SHQ1: variants seen among roughly 807,000 people sequenced by gnomAD.
SHQ1 encodes the protein SHQ1, H/ACA ribonucleoprotein assembly factor.
SHQ1 carries 49 observed loss-of-function variants against 53.8 expected under a neutral mutation model. The observed-to-expected ratio is 0.91, with a 90% CI of 0.72 to 1.16. The LOEUF (loss-of-function observed/expected upper bound fraction) is 1.16. Ranked by LOEUF, SHQ1 falls within the 50% of genes most tolerant of loss-of-function variation. The probability of loss-of-function intolerance (pLI) is 0.00; values close to 1 mark genes in which losing one functional copy is unlikely to be tolerated. For missense variants in SHQ1, 738 were observed against 683.1 expected (o/e 1.08, Z -0.90); for synonymous variants, 243 against 251.0 (o/e 0.97, Z 0.30).
In SHQ1 at chr3:72,750,699, TG is replaced by T. The variant is rs1705348107; in HGVS notation, c.1318del (p.His440IlefsTer99). On this transcript the variant is annotated frameshift_variant, in exon 11 of 11. Transcript: ENST00000325599. LOFTEE classifies it low-confidence loss of function (END_TRUNC). ...QEEETALKAA[H>X]SVSGQQTLCS... ...AAGTGTCTGCTGCCCAGAAACTGAATGGGCTGCTTTTAATGCAGTTTCTTCC... is the reference window on the plus strand; with the variant it reads ...AAGTGTCTGCTGCCCAGAAACTGAATGGCTGCTTTTAATGCAGTTTCTTCC... 2 of 1,590,336 alleles carry T rather than the reference TG, an allele frequency of 1.3e-6. No individual in the cohort carries two copies.
At chr3:72,725,871 GA>G in the SHQ1 span, among the ~76,000 whole-genome samples, 2 of 152,058 alleles carry the variant, frequency 1.3e-5, no homozygotes, top group African/African-American at 2.4e-5. Context: ...ATGGGCAGAA[GA>G]AAAAAATAAG....
chr3:72,741,543 G>A, the SHQ1 span, among the ~76,000 whole-genome samples: 1 of 151,674 alleles, frequency 6.6e-6, no homozygotes, highest in Non-Finnish European at 1.5e-5. Context: ...CTGAGATCGT[G>A]CCACTGCATT....
chr3:72,727,968 C>T, the SHQ1 span, among the ~76,000 whole-genome samples: 1 of 152,140 alleles, frequency 6.6e-6, no homozygotes, highest in African/African-American at 2.4e-5. Flanking sequence ...GAAGAGCAAG[C>T]CGTGGAGTCC....
intron 10 of SHQ1, among the ~76,000 whole-genome samples, chr3:72,756,106 C>G (rs893434611): frequency 2.0e-5 from 3 of 151,972 alleles, no homozygotes; most frequent in African/African-American, 7.3e-5. Flanking sequence ...CCTATGTTGC[C>G]CAGGCTGGTC....
rs534082754 is a variant in SHQ1, at chr3:72,774,214, G to A, written c.1181+18702C>T. Among the ~76,000 whole-genome samples the A allele has an allele frequency of 3.3e-5, 5 of 152,274 alleles. No individual in the cohort carries two copies. The South Asian group carries it at 1.0e-3, about 32-fold the overall frequency. On this transcript the variant is annotated intron_variant, in intron 10 of 10. Transcript: ENST00000325599. ...GTAAAAACTGACAGGTCTACAGGAA[G>A]AAACTGACAAGACTGACAACATAGG... is the stretch of plus-strand genomic sequence containing the variant.
chr3:72,804,733 GT>G (rs1343102797), intron 9 of SHQ1, among the ~76,000 whole-genome samples: 2 of 152,142 alleles, frequency 1.3e-5, no homozygotes, highest in African/African-American at 4.8e-5. Flanking sequence ...GCTCACACCT[GT>G]CAACCAGCAC....
At chr3:72,787,223 GTTAA>G (rs1706259794) in intron 10 of SHQ1, among the ~76,000 whole-genome samples, 1 of 152,264 alleles carries the variant, frequency 6.6e-6, no homozygotes, top group East Asian at 1.9e-4. Context: ...CACTATTAGA[GTTAA>G]TTAACCATTA....
chr3:72,760,320 C>T (rs112728628), intron 10 of SHQ1, among the ~76,000 whole-genome samples: 3,028 of 152,304 alleles, frequency 0.02, 55 homozygotes, highest in Non-Finnish European at 0.033. Flanking sequence ...TATTAAGAGG[C>T]TTGCTCATTA....
At chr3:72,799,977 A>G (rs1023556275) in intron 9 of SHQ1, among the ~76,000 whole-genome samples, 1 of 152,110 alleles carries the variant, frequency 6.6e-6, no homozygotes, top group Non-Finnish European at 1.5e-5. Flanking sequence ...ATACCCCTCT[A>G]TTACAGTAGT....
At chr3:72,754,037 G>A (rs577832135) in intron 10 of SHQ1, among the ~76,000 whole-genome samples, 1 of 152,164 alleles carries the variant, frequency 6.6e-6, no homozygotes, top group African/African-American at 2.4e-5. Flanking sequence ...TCTAATACTA[G>A]AAATAAAAAA....
At position 72,773,062 on chromosome 3, in the gene SHQ1, T is replaced by A. The variant is rs1297277599; in HGVS notation, c.1181+19854A>T. The stretch of plus-strand genomic sequence containing the variant: ...CAAAGAAGAAATGACTGAGTCCATG[T>A]TCTCTAAGTACTCGGAAATGAGTGA... On this transcript the variant is annotated intron_variant, in intron 10 of 10. Coordinates refer to ENST00000325599, the MANE Select transcript of SHQ1 (RefSeq NM_018130.3). The A allele has an allele frequency of 8.1e-6, 7 of 864,236 alleles. No individual in the cohort carries two copies. In the East Asian group the frequency reaches 1.5e-4, roughly 18 times the overall value. The allele number at this position is 864,236 out of a possible 1,614,324, so 53.5% of individuals were successfully genotyped here. A position where few individuals can be genotyped will look rare whatever the true frequency, so the allele number is the denominator to read the frequency against.
chr3:72,771,655 G>A (rs1398900070), intron 10 of SHQ1, among the ~76,000 whole-genome samples: 2 of 152,210 alleles, frequency 1.3e-5, no homozygotes, highest in Non-Finnish European at 2.9e-5. Context: ...GAGGGGTTGA[G>A]GGACACTGAC....
intron 5 of SHQ1, among the ~76,000 whole-genome samples, chr3:72,827,477 A>G (rs1331073728): frequency 6.6e-6 from 1 of 152,088 alleles, no homozygotes; most frequent in African/African-American, 2.4e-5. Context: ...CCAAGGGACC[A>G]TGATGAAGGG....
chr3:72,794,517 T>C (rs1362914642), intron 9 of SHQ1: 1 of 152,200 alleles, frequency 6.6e-6, no homozygotes, highest in Non-Finnish European at 1.5e-5. Context: ...GATTTTTCCT[T>C]GGAGATGCTC....
chr3:72,761,764 G>C (rs1438965484), intron 10 of SHQ1, among the ~76,000 whole-genome samples: 1 of 151,858 alleles, frequency 6.6e-6, no homozygotes, highest in Non-Finnish European at 1.5e-5. Context: ...GAGCCATGGA[G>C]GACCAAAGAT....
intron 9 of SHQ1, among the ~76,000 whole-genome samples, chr3:72,798,769 TAGG>T (rs1319367238): frequency 6.6e-6 from 1 of 152,348 alleles, no homozygotes; most frequent in South Asian, 2.1e-4. Context: ...TTTCCATCTC[TAGG>T]AGATGATCAG....
the SHQ1 span, among the ~76,000 whole-genome samples, chr3:72,729,611 TAA>T: frequency 6.6e-6 from 1 of 152,228 alleles, no homozygotes; most frequent in Non-Finnish European, 1.5e-5. Context: ...CTTTGTTCAT[TAA>T]GTTTGTTTTC....
In SHQ1 at chr3:72,818,423, T is replaced by C. The variant is rs145217631; in HGVS notation, c.728-1039A>G. ...CATAAAGTAGACTCTCGAGACTGTA[T>C]TGACTGGGTTAAAAAAGTATCTGTT... On this transcript the variant is annotated intron_variant, in intron 6 of 10. Transcript: ENST00000325599. Among the ~76,000 whole-genome samples, 214 of 152,266 alleles carry C rather than the reference T, an allele frequency of 1.4e-3. 1 individual carries two copies. The highest frequency in any genetic ancestry group is 4.8e-3 in the African/African-American group (198 of 41,560).
intron 10 of SHQ1, among the ~76,000 whole-genome samples, chr3:72,751,782 A>C (rs1200597221): frequency 6.6e-6 from 1 of 152,116 alleles, no homozygotes; most frequent in Non-Finnish European, 1.5e-5. Flanking sequence ...ACAAGACTGC[A>C]GGAGAAAAGG....
Sources: gnomAD v4.1 joint callset for allele counts (sites outside exome capture counted in the v4.1 genomes callset) on GRCh38, gnomAD v4.1.1 for gene constraint, MANE v1.5 for transcripts, NCBI Gene and HGNC (gene_info 2026-07-23, HGNC 2026-07-21) for gene names.